The following RBPJ variants were observed in gnomAD, a reference collection of about 807,000 sequenced individuals.
The protein encoded by RBPJ is recombining binding protein suppressor of hairless.
A neutral mutation model predicts 67.8 loss-of-function variants in RBPJ; 9 were observed. The observed-to-expected ratio is 0.13, with a 90% confidence interval of 0.08 to 0.23. RBPJ has a LOEUF of 0.23. RBPJ is among the 10% of genes least tolerant of loss of function. RBPJ has a pLI of 1.00. For synonymous variants in RBPJ, 198 were observed against 203.3 expected (o/e 0.97, Z 0.22); for missense variants, 305 against 595.6 (o/e 0.51, Z 5.08).
At chr4:26,145,659 C>T in the RBPJ span, among the ~76,000 whole-genome samples, 8 of 152,100 alleles carry the variant, frequency 5.3e-5, no homozygotes, top group South Asian at 6.2e-4. Context: ...CAGAATAATA[C>T]GGAGGAGGTT....
chr4:26,315,207 G>A (rs1489528126), upstream of RBPJ, among the ~76,000 whole-genome samples: 3 of 131,182 alleles, frequency 2.3e-5, no homozygotes, highest in Non-Finnish European at 4.7e-5. Flanking sequence ...TGTATATACT[G>A]GGGAACCCAC....
Position 26,386,519 on chromosome 4 carries a change from T to C in RBPJ, c.59+128T>C, listed in dbSNP as rs1314804005. On this transcript the variant is annotated intron_variant, in intron 2 of 10. Transcript: ENST00000355476. Reference sequence around the variant, plus strand: ...TATTACTGTCTAGAGCATAAACTTATTCTCAAACTTCCTTTCCCTCATCTC... The same window carrying C: ...TATTACTGTCTAGAGCATAAACTTACTCTCAAACTTCCTTTCCCTCATCTC... The C allele has an allele frequency of 6.7e-6, 4 of 595,298 alleles. No homozygotes were observed. The Admixed American group carries it at 1.1e-4, about 16-fold the overall frequency. 36.9% of individuals were successfully genotyped at this position (595,298 alleles called of 1,614,324 possible).
chr4:26,255,871 AATGGAGAAACCTCT>A (rs1448997049), intron 1 of RBPJ, among the ~76,000 whole-genome samples: 5 of 150,404 alleles, frequency 3.3e-5, no homozygotes, highest in African/African-American at 5.0e-5. Flanking sequence ...GATTTTGAGA[AATGGAGAAACCTCT>A]GGCAAGTACT....
At chr4:26,139,049 C>T in the RBPJ span, among the ~76,000 whole-genome samples, 1 of 152,204 alleles carries the variant, frequency 6.6e-6, no homozygotes, top group South Asian at 2.1e-4. Context: ...CAGGCAGCTG[C>T]CAGCACCTGA....
chr4:26,343,244 CTT>C (rs1381064989), intron 1 of RBPJ: 2 of 152,116 alleles, frequency 1.3e-5, no homozygotes, highest in Non-Finnish European at 2.9e-5. Flanking sequence ...CTTCTTATGA[CTT>C]TAAGGAATTT....
intron 1 of RBPJ, among the ~76,000 whole-genome samples, chr4:26,192,556 T>C (rs1000843526): frequency 1.3e-5 from 2 of 152,150 alleles, no homozygotes; most frequent in Non-Finnish European, 2.9e-5. Context: ...CAGTTACTAC[T>C]CAAAGTTATT....
At chr4:26,313,943 CCTTT>C (rs1203511459) in intron 1 of RBPJ, among the ~76,000 whole-genome samples, 2 of 152,106 alleles carry the variant, frequency 1.3e-5, no homozygotes, top group African/African-American at 4.8e-5. Context: ...TCTTTTCCCT[CCTTT>C]CTATGTTTTA....
intron 1 of RBPJ, among the ~76,000 whole-genome samples, chr4:26,268,467 AG>A (rs1720778078): frequency 6.6e-6 from 1 of 152,128 alleles, no homozygotes; most frequent in Admixed American, 6.5e-5. Flanking sequence ...CTTTTTCTTC[AG>A]GCCCAACCCT....
intron 1 of RBPJ, among the ~76,000 whole-genome samples, chr4:26,241,606 G>A (rs1257540601): frequency 1.3e-5 from 2 of 151,884 alleles, no homozygotes. Context: ...CTGCCTCCCG[G>A]GTTCATGCCA....
At chr4:26,195,855 A>G (rs1347012365) in intron 1 of RBPJ, among the ~76,000 whole-genome samples, 1 of 152,168 alleles carries the variant, frequency 6.6e-6, no homozygotes, top group East Asian at 1.9e-4. Flanking sequence ...CGGCCTCCCA[A>G]GGTGTTGGGA....
chr4:26,211,966 C>T (rs150397134), intron 1 of RBPJ, among the ~76,000 whole-genome samples: 107 of 152,056 alleles, frequency 7.0e-4, no homozygotes, highest in Non-Finnish European at 1.3e-3. Context: ...GGGTGATGCG[C>T]CAGATGCCAA....
intron 1 of RBPJ, among the ~76,000 whole-genome samples, chr4:26,334,824 A>G (rs979569851): frequency 3.3e-5 from 5 of 152,182 alleles, no homozygotes; most frequent in African/African-American, 9.6e-5. Flanking sequence ...CTAACAAGCT[A>G]CTATCTCCAC....
At chr4:26,132,410 C>T in the RBPJ span, among the ~76,000 whole-genome samples, 1 of 152,030 alleles carries the variant, frequency 6.6e-6, no homozygotes, top group Middle Eastern at 3.4e-3. Context: ...CCCAGGTGTG[C>T]CCACCTGAGC....
chr4:26,254,370 CA>C (rs1423659828), intron 1 of RBPJ, among the ~76,000 whole-genome samples: 1 of 148,922 alleles, frequency 6.7e-6, no homozygotes, highest in Non-Finnish European at 1.5e-5. Flanking sequence ...TGCAGCTTCA[CA>C]GGCCTGCTTT....
intron 1 of RBPJ, among the ~76,000 whole-genome samples, chr4:26,277,075 G>A (rs1219852019): frequency 1.3e-5 from 2 of 150,918 alleles, no homozygotes; most frequent in Admixed American, 6.6e-5. Flanking sequence ...GAGGCCAGGA[G>A]TGGGGACCAG....
At chr4:26,382,916 C>G (rs1730469465) in intron 1 of RBPJ, among the ~76,000 whole-genome samples, 1 of 152,176 alleles carries the variant, frequency 6.6e-6, no homozygotes, top group Non-Finnish European at 1.5e-5. Flanking sequence ...TCTTTCCATA[C>G]TCCAATATAT....
At chr4:26,207,138 C>T (rs1413468356) in intron 1 of RBPJ, among the ~76,000 whole-genome samples, 2 of 152,100 alleles carry the variant, frequency 1.3e-5, no homozygotes, top group African/African-American at 2.4e-5. Flanking sequence ...TTGTGGTTCA[C>T]GTCTGATTCT....
rs1472641149 is a variant in RBPJ, at chr4:26,353,984, G to C, written c.21-32369G>C. Reference sequence around the variant, plus strand: ...TCGCTCTGTCCGCCCAGGCTGGAGTGCAGTGGCGTGATCTCGGCTCACTGC... The same window carrying C: ...TCGCTCTGTCCGCCCAGGCTGGAGTCCAGTGGCGTGATCTCGGCTCACTGC... On this transcript the variant is annotated intron_variant, in intron 1 of 10. Coordinates refer to ENST00000355476, the MANE Select transcript of RBPJ (RefSeq NM_015874.6). Among the ~76,000 whole-genome samples the C allele has an allele frequency of 2.6e-5, 4 of 151,626 alleles. No individual in the cohort carries two copies. The East Asian group carries it at 5.8e-4, about 22-fold the overall frequency.
At chr4:26,184,687 G>A (rs185150315) in intron 1 of RBPJ, among the ~76,000 whole-genome samples, 1 of 152,224 alleles carries the variant, frequency 6.6e-6, no homozygotes, top group Admixed American at 6.5e-5. Flanking sequence ...AGATTGGAGT[G>A]GGAGGCCAAG....
Sources: gnomAD v4.1 joint callset for allele counts (sites outside exome capture counted in the v4.1 genomes callset) on GRCh38, gnomAD v4.1.1 for gene constraint, MANE v1.5 for transcripts, NCBI Gene and HGNC (gene_info 2026-07-23, HGNC 2026-07-21) for gene names.